The following UNC5B variants were observed in gnomAD, a reference collection of about 807,000 sequenced individuals.
The protein encoded by UNC5B is unc-5 netrin receptor B, also known as netrin receptor UNC5B.
Under a neutral mutation model 103.7 loss-of-function variants are expected in UNC5B, and 56 were observed. The observed-to-expected ratio is 0.54, with a 90% CI of 0.44 to 0.67. The LOEUF (loss-of-function observed/expected upper bound fraction) is 0.67, where lower values mean the gene tolerates loss of function less well. Among genes scored for constraint, UNC5B ranks in the 30% least tolerant of loss-of-function variants. The probability of loss-of-function intolerance (pLI) is 0.00; values close to 1 mark genes in which losing one functional copy is unlikely to be tolerated. For synonymous variants in UNC5B, 577 were observed against 542.0 expected, an observed-to-expected ratio of 1.06 and a Z score of -0.90; for missense variants, 1,194 against 1,284.5, an observed-to-expected ratio of 0.93 and a Z score of 1.08.
At chr10:71,252,752 G>A (rs1411086494) in intron 1 of UNC5B, among the ~76,000 whole-genome samples, 1 of 152,146 alleles carries the variant, frequency 6.6e-6, no homozygotes, top group Admixed American at 6.5e-5. Flanking sequence ...CTTGTGAGAC[G>A]GCACCTGCAA....
At chr10:71,261,454 C>A (rs1262564473) in intron 1 of UNC5B, among the ~76,000 whole-genome samples, 1 of 152,134 alleles carries the variant, frequency 6.6e-6, no homozygotes, top group Non-Finnish European at 1.5e-5. Context: ...CTGACAAAGC[C>A]CAGGCTGGCA....
At chr10:71,251,034 T>C (rs1844160491) in intron 1 of UNC5B, among the ~76,000 whole-genome samples, 1 of 152,188 alleles carries the variant, frequency 6.6e-6, no homozygotes, top group Non-Finnish European at 1.5e-5. Context: ...CTGGCTCAGT[T>C]GGGTCAATTA....
At chr10:71,248,861 TCTCTCTCA>T (rs1434582336) in intron 1 of UNC5B, among the ~76,000 whole-genome samples, 2 of 36,592 alleles carry the variant, frequency 5.5e-5, no homozygotes, top group African/African-American at 1.5e-4. Context: ...TCTCTCTCTC[TCTCTCTCA>T]CACACACACA....
chr10:71,215,605 T>A (rs1843313100), intron 1 of UNC5B, among the ~76,000 whole-genome samples: 1 of 152,068 alleles, frequency 6.6e-6, no homozygotes. Context: ...TGTCAGCAAG[T>A]GACTAGCCAG....
chr10:71,283,691 T>C (rs796783764), intron 2 of UNC5B, among the ~76,000 whole-genome samples: 2 of 152,294 alleles, frequency 1.3e-5, no homozygotes, highest in African/African-American at 4.8e-5. Flanking sequence ...TCCCCTTTCC[T>C]GGCAGGTTCC....
chr10:71,213,124 C>A lies in UNC5B; in HGVS notation c.79+60C>A. ...GGGGACCCTTGCGCCTCACTCTGTC[C>A]TGAAGTTGAGGTGGTCTTTCGTCGC... On this transcript the variant is annotated intron_variant, in intron 1 of 16. Coordinates refer to ENST00000335350, the MANE Select transcript of UNC5B (RefSeq NM_170744.5). The surrounding 1 kb of genome is among the most constrained non-coding windows in gnomAD (Gnocchi z 4.1). 8.3e-7 allele frequency: 1 copy of A among 1,205,102 alleles called. No individual in the cohort carries two copies. The highest frequency in any genetic ancestry group is 1.0e-6 in the Non-Finnish European group (1 of 954,688). 74.7% of individuals were successfully genotyped at this position (1,205,102 alleles called of 1,614,324 possible). A position where few individuals can be genotyped will look rare whatever the true frequency, so the allele number is the denominator to read the frequency against.
intron 1 of UNC5B, among the ~76,000 whole-genome samples, chr10:71,229,427 T>C (rs188391549): frequency 6.6e-6 from 1 of 152,154 alleles, no homozygotes; most frequent in Non-Finnish European, 1.5e-5. Context: ...GTAAGTTGTT[T>C]ATTACACCCT....
chr10:71,292,667 A>G (rs999073909), intron 11 of UNC5B, 113 bp downstream of exon 11: 1 of 883,254 alleles, frequency 1.1e-6, no homozygotes, highest in African/African-American at 1.7e-5. Flanking sequence ...CTCCAAGGAA[A>G]GTATTAATCT....
At chr10:71,227,041 A>G (rs566026289) in intron 1 of UNC5B, among the ~76,000 whole-genome samples, 3 of 151,056 alleles carry the variant, frequency 2.0e-5, no homozygotes, top group East Asian at 2.0e-4. Context: ...CTGGAGTTCA[A>G]TGGCACAAAA....
chr10:71,271,191 C>A (rs1844638114), intron 1 of UNC5B, among the ~76,000 whole-genome samples: 1 of 152,218 alleles, frequency 6.6e-6, no homozygotes, highest in Non-Finnish European at 1.5e-5. Context: ...CAATAGCTGT[C>A]CCTGCTGGGT....
At chr10:71,275,214 G>A (rs116502181) in intron 1 of UNC5B, among the ~76,000 whole-genome samples, 1,877 of 152,330 alleles carry the variant, frequency 0.012, 47 homozygotes, top group African/African-American at 0.042. Context: ...TTTAAAGGCA[G>A]GCTGCACTTT....
chr10:71,232,965 G>A (rs1257722957), intron 1 of UNC5B, among the ~76,000 whole-genome samples: 1 of 152,206 alleles, frequency 6.6e-6, no homozygotes, highest in Non-Finnish European at 1.5e-5. Context: ...ACAAAGCTGC[G>A]ACCTTACTCC....
In UNC5B at chr10:71,299,105, C is replaced by T; in HGVS notation, c.2673-7C>T. The T allele has an allele frequency of 6.2e-7, 1 of 1,614,138 alleles. No homozygotes were observed. The highest frequency in any genetic ancestry group is 8.5e-7 in the Non-Finnish European group (1 of 1,179,970). Reference sequence around the variant, plus strand: ...GGGAACCTCAGTGCCCTCCTTCCCTCTGCCAGGTACCTGAATTACTTTGCC... The same window carrying T: ...GGGAACCTCAGTGCCCTCCTTCCCTTTGCCAGGTACCTGAATTACTTTGCC... On this transcript the variant is annotated splice_region_variant and splice_polypyrimidine_tract_variant and intron_variant, in intron 16 of 16. Transcript: ENST00000335350.
In UNC5B at chr10:71,288,939, C is replaced by A. The variant is rs1845172625; in HGVS notation, c.1067-19C>A. 1 of 1,613,454 alleles carries A rather than the reference C, an allele frequency of 6.2e-7. No individual in the cohort carries two copies. The highest frequency in any genetic ancestry group is 8.5e-7 in the Non-Finnish European group (1 of 1,179,486). On this transcript the variant is annotated intron_variant, in intron 7 of 16. Transcript: ENST00000335350. ...CCTGTCACCTATGTCATTGTCTTTC[C>A]CTTTATTTCCCTTGACAGATAAGAA...
chr10:71,289,856 G>A (rs1029404201), intron 8 of UNC5B, among the ~76,000 whole-genome samples: 2 of 152,240 alleles, frequency 1.3e-5, no homozygotes, highest in African/African-American at 4.8e-5. Context: ...GACATCCGGG[G>A]CTGGGAGCCA....
chr10:71,256,721 C>A (rs1478089593), intron 1 of UNC5B, among the ~76,000 whole-genome samples: 1 of 152,240 alleles, frequency 6.6e-6, no homozygotes, highest in East Asian at 1.9e-4. Context: ...TAGCAGCACA[C>A]CTGCCCGTGC....
chr10:71,254,405 G>A (rs907793052), intron 1 of UNC5B, among the ~76,000 whole-genome samples: 1 of 152,214 alleles, frequency 6.6e-6, no homozygotes, highest in African/African-American at 2.4e-5. Flanking sequence ...TGTCGTGGGG[G>A]GCATAGGGCT....
At chr10:71,291,304 C>G in intron 9 of UNC5B, 128 bp from the exon 10 acceptor site, 1 of 1,453,796 alleles carries the variant, frequency 6.9e-7, no homozygotes. Flanking sequence ...TGCGGGATTC[C>G]CAAAGCTTCC....
At chr10:71,282,298 G>GCTT (rs1309758188) in intron 2 of UNC5B, among the ~76,000 whole-genome samples, 4 of 152,328 alleles carry the variant, frequency 2.6e-5, no homozygotes, top group Admixed American at 2.6e-4. Flanking sequence ...GCTTATGCCA[G>GCTT]ATTGGGGCAG....
Sources: allele counts gnomAD v4.1 joint callset (sites outside exome capture counted in the v4.1 genomes callset), GRCh38; gene constraint gnomAD v4.1.1; non-coding constraint Gnocchi (gnomAD v3.1); transcripts MANE v1.5; gene names NCBI Gene and HGNC (gene_info 2026-07-23, HGNC 2026-07-21).